The following KMT2C variants were observed in gnomAD, a reference collection of about 807,000 sequenced individuals.
KMT2C encodes the protein lysine methyltransferase 2C.
In KMT2C, 88 loss-of-function variants were observed where a neutral mutation model predicts 507.9. The observed-to-expected ratio is 0.17, with a 90% CI of 0.15 to 0.21. KMT2C has a LOEUF of 0.21. Ranked by LOEUF, KMT2C falls within the 10% of genes least tolerant of loss-of-function variation. KMT2C has a pLI of 1.00. For synonymous variants in KMT2C, 2,049 were observed against 2,080.8 expected, an observed-to-expected ratio of 0.98 and a Z score of 0.42; for missense variants, 4,954 against 5,957.8, an observed-to-expected ratio of 0.83 and a Z score of 5.55.
chr7:152,340,948 ATTTAG>A (rs1046161131), intron 2 of KMT2C, among the ~76,000 whole-genome samples: 3 of 152,214 alleles, frequency 2.0e-5, no homozygotes, highest in African/African-American at 7.2e-5. Context: ...TAGGTGTTTT[ATTTAG>A]TTGTTATCAG....
intron 23 of KMT2C, among the ~76,000 whole-genome samples, chr7:152,215,652 ATAG>A (rs969742128): frequency 8.2e-5 from 12 of 146,392 alleles, no homozygotes; most frequent in East Asian, 4.1e-4. Context: ...AGGACAGTAA[ATAG>A]TAGTAAGACA....
At chr7:152,396,036 G>C (rs946536304) in intron 1 of KMT2C, among the ~76,000 whole-genome samples, 3 of 152,158 alleles carry the variant, frequency 2.0e-5, no homozygotes, top group African/African-American at 7.2e-5. Flanking sequence ...AGAAGACTGA[G>C]CTACAAAAAT....
Position 152,162,814 on chromosome 7 carries a change from G to A in KMT2C, c.10763C>T (p.Ser3588Leu), listed in dbSNP as rs148585727. The change falls in exon 43 of 59, where the codon TCG (serine) becomes TTG (leucine). Residue 3588 changes from serine to leucine, a missense_variant. By Grantham distance (145) the Ser-to-Leu change is moderately radical. Coordinates refer to ENST00000262189, the MANE Select transcript of KMT2C (RefSeq NM_170606.3). ...HGHSYPGSTQ[S>L]LIQLYSDIIP... is the part of the protein sequence containing the mutation. ...TATATCAGAATACAACTGAATGAGC[G>A]ATTGGGTTGATCCCGGATAACTGTG... 3.1e-3 allele frequency: 5,030 copies of A among 1,614,094 alleles called. 17 individuals are homozygous for A. The highest frequency in any genetic ancestry group is 3.5e-3 in the Non-Finnish European group (4,138 of 1,180,012).
Position 152,206,757 on chromosome 7 carries a change from G to A in KMT2C, c.3841+543C>T, listed in dbSNP as rs191478242. ...TAAGGCAAATAAAACTGACAAGCAA[G>A]ACCGCTTTTCTCTCCACTCCTGAGG... On this transcript the variant is annotated intron_variant, in intron 24 of 58. Coordinates refer to ENST00000262189, the MANE Select transcript of KMT2C (RefSeq NM_170606.3). 1.7e-3 allele frequency among the ~76,000 whole-genome samples: 256 copies of A among 152,246 alleles called. 1 individual carries two copies. Among genetic ancestry groups the A allele is most frequent in the African/African-American group, 5.6e-3 (234 of 41,552 alleles).
At chr7:152,411,091 T>G (rs1405958097) in intron 1 of KMT2C, among the ~76,000 whole-genome samples, 1 of 152,220 alleles carries the variant, frequency 6.6e-6, no homozygotes, top group East Asian at 1.9e-4. Context: ...AGTGCTGTCA[T>G]ACTTAATGCT....
Position 152,435,864 on chromosome 7 carries a change from G to C in KMT2C, c.-78C>G, listed in dbSNP as rs1279940302. 1 of 1,376,098 alleles carries C rather than the reference G, an allele frequency of 7.3e-7. No individual in the cohort carries two copies. 85.2% of individuals were successfully genotyped at this position (1,376,098 alleles called of 1,614,324 possible). The stretch of plus-strand genomic sequence containing the variant: ...CGCCGCCGCGGCCGCCGCCGCCGCC[G>C]CTGCTGCTCGGGTTCCTCCTCCCCG... On this transcript the variant is annotated 5_prime_UTR_variant, in exon 1 of 59. Transcript: ENST00000262189.
intron 6 of KMT2C, among the ~76,000 whole-genome samples, chr7:152,296,390 C>T (rs908626739): frequency 1.2e-4 from 18 of 149,758 alleles, no homozygotes; most frequent in African/African-American, 1.7e-4. Flanking sequence ...GCCGAGATCG[C>T]GCCACTTCAA....
In KMT2C at chr7:152,162,203, G is replaced by T. The variant is rs75191113; in HGVS notation, c.11374C>A (p.Gln3792Lys). The change falls in exon 43 of 59, where the codon CAA (glutamine) becomes AAA (lysine). Residue 3792 changes from glutamine to lysine, a missense_variant. Physicochemically the swap from Gln to Lys is moderately conservative, Grantham distance 53. Transcript: ENST00000262189. ...KNKKSSSLLN[Q>K]KPEGSICSED... ...GAACAAATACTGCCCTCAGGTTTTT[G>T]ATTCAAAAGAGAAGATGACTTTTTA... 1.1e-3 allele frequency: 1,827 copies of T among 1,613,420 alleles called. 14 individuals are homozygous for T. The East Asian group carries it at 0.023, about 21-fold the overall frequency.
At chr7:152,223,190 T>C (rs2094827710) in intron 20 of KMT2C, among the ~76,000 whole-genome samples, 1 of 152,114 alleles carries the variant, frequency 6.6e-6, no homozygotes, top group Non-Finnish European at 1.5e-5. Flanking sequence ...AATAATACTA[T>C]TAATAATATA....
At chr7:152,218,155 A>G (rs1393808522) in intron 23 of KMT2C, among the ~76,000 whole-genome samples, 3 of 152,150 alleles carry the variant, frequency 2.0e-5, no homozygotes, top group Non-Finnish European at 2.9e-5. Flanking sequence ...TACAAAAGAC[A>G]TATCTTTTCA....
At chr7:152,140,910 G>A (rs557768611) in intron 55 of KMT2C, among the ~76,000 whole-genome samples, 10 of 152,316 alleles carry the variant, frequency 6.6e-5, no homozygotes, top group Admixed American at 2.6e-4. Flanking sequence ...TCAATAGAGT[G>A]TGGTTTAAGA....
intron 11 of KMT2C, 66 bp downstream of exon 11, chr7:152,251,873 T>A: frequency 8.6e-7 from 1 of 1,156,962 alleles, no homozygotes; most frequent in South Asian, 1.8e-5. Flanking sequence ...AAGCAATATA[T>A]TGGTGATACA....
chr7:152,307,190 AGAGG>A (rs1290726221), intron 6 of KMT2C, among the ~76,000 whole-genome samples: 5,864 of 98,056 alleles, frequency 0.06, 360 homozygotes, highest in Middle Eastern at 0.1. Context: ...GAAGGAAAGA[AGAGG>A]GAGGAAGGAA....
chr7:152,233,005 C>T (rs2360916), intron 16 of KMT2C, among the ~76,000 whole-genome samples: 4 of 152,024 alleles, frequency 2.6e-5, no homozygotes, highest in African/African-American at 9.7e-5. Context: ...AACCAGTGAA[C>T]GCTTTCACTG....
At chr7:152,392,210 C>T (rs1216630364) in intron 1 of KMT2C, among the ~76,000 whole-genome samples, 2 of 152,146 alleles carry the variant, frequency 1.3e-5, no homozygotes, top group Admixed American at 1.3e-4. Context: ...CCCTACCCCC[C>T]ACAACCCTAC....
At chr7:152,234,146 G>A (rs2095208731) in intron 16 of KMT2C, among the ~76,000 whole-genome samples, 1 of 151,998 alleles carries the variant, frequency 6.6e-6, no homozygotes, top group South Asian at 2.1e-4. Context: ...CCAACACTTT[G>A]GGAGGCCGAG....
chr7:152,337,542 G>C (rs1172343256), intron 2 of KMT2C, among the ~76,000 whole-genome samples: 1 of 152,142 alleles, frequency 6.6e-6, no homozygotes, highest in Non-Finnish European at 1.5e-5. Context: ...GGTGTCTGCT[G>C]TGTTAGTTAA....
At chr7:152,278,290 TA>T (rs2096127473) in intron 6 of KMT2C, among the ~76,000 whole-genome samples, 2 of 152,144 alleles carry the variant, frequency 1.3e-5, no homozygotes, top group Non-Finnish European at 2.9e-5. Flanking sequence ...AATTTATATT[TA>T]TTTTTTTGAG....
intron 1 of KMT2C, among the ~76,000 whole-genome samples, chr7:152,420,947 A>C (rs111597398): frequency 2.0e-5 from 3 of 152,246 alleles, no homozygotes; most frequent in African/African-American, 7.2e-5. Context: ...GCAGCACACC[A>C]ACATGGCACC....
Sources: gnomAD v4.1 joint callset for allele counts (sites outside exome capture counted in the v4.1 genomes callset) on GRCh38, gnomAD v4.1.1 for gene constraint, MANE v1.5 for transcripts, NCBI Gene and HGNC (gene_info 2026-07-23, HGNC 2026-07-21) for gene names.